Variants in NRXN1 observed in about 807,000 individuals in gnomAD.
NRXN1 encodes neurexin-1.
A neutral mutation model predicts 150.9 loss-of-function variants in NRXN1; 39 were observed. The observed-to-expected ratio is 0.26, with a 90% CI of 0.20 to 0.34. NRXN1 has a LOEUF of 0.34. Ranked by LOEUF, NRXN1 falls within the 10% of genes least tolerant of loss-of-function variation. The pLI is 1.00. For missense variants in NRXN1, 1,815 were observed against 1,949.9 expected (o/e 0.93, Z 1.30); for synonymous variants, 924 against 757.0 (o/e 1.22, Z -3.62).
intron 5 of NRXN1, among the ~76,000 whole-genome samples, chr2:50,853,030 C>A (rs530557409): frequency 5.6e-4 from 85 of 152,252 alleles, no homozygotes; most frequent in African/African-American, 1.7e-3. Context: ...TTAGTAAATA[C>A]ACCTTAATTC....
At chr2:50,643,823 G>A (rs1684410558) in intron 5 of NRXN1, among the ~76,000 whole-genome samples, 2 of 151,652 alleles carry the variant, frequency 1.3e-5, no homozygotes, top group African/African-American at 4.8e-5. Context: ...GTATCATGCT[G>A]GTAACTTCCC....
chr2:50,342,575 A>T (rs1392202957), intron 17 of NRXN1, among the ~76,000 whole-genome samples: 1 of 152,258 alleles, frequency 6.6e-6, no homozygotes, highest in Non-Finnish European at 1.5e-5. Context: ...GCCTCCTGGA[A>T]AAACAGAGAA....
chr2:50,241,020 G>A lies in NRXN1; in HGVS notation c.3365-4050C>T, dbSNP rs1228991060. Among the ~76,000 whole-genome samples the A allele has an allele frequency of 2.0e-5, 3 of 151,586 alleles. No individual in the cohort carries two copies. In the South Asian group the frequency reaches 6.2e-4, roughly 31 times the overall value. ...CTTTCAAAAATGACATTCCTACCTC[G>A]TAATTTTTATTAATATTTTCAATAT... On this transcript the variant is annotated intron_variant, in intron 17 of 22. Transcript: ENST00000401669.
At position 50,640,950 on chromosome 2, in the gene NRXN1, A is replaced by G. The variant is rs1158716604; in HGVS notation, c.833-17335T>C. Among the ~76,000 whole-genome samples the G allele has an allele frequency of 2.6e-5, 4 of 152,174 alleles. No individual in the cohort carries two copies. The South Asian group carries it at 6.2e-4, about 24-fold the overall frequency. Reference sequence around the variant, plus strand: ...GAAAGTCTTGGGATAAAATAAGTAGATAAAGAAATAAAGACAAAGAACAAG... The same window carrying G: ...GAAAGTCTTGGGATAAAATAAGTAGGTAAAGAAATAAAGACAAAGAACAAG... On this transcript the variant is annotated intron_variant, in intron 5 of 22. Coordinates refer to ENST00000401669, the MANE Select transcript of NRXN1 (RefSeq NM_001330078.2).
intron 5 of NRXN1, among the ~76,000 whole-genome samples, chr2:50,782,700 G>T (rs34591327): frequency 3.9e-5 from 6 of 152,068 alleles, no homozygotes; most frequent in Admixed American, 3.9e-4. Context: ...ATATTTGTGG[G>T]GGGCAGCAGA....
chr2:50,884,223 T>C (rs1679886909), intron 5 of NRXN1, among the ~76,000 whole-genome samples: 2 of 151,812 alleles, frequency 1.3e-5, no homozygotes, highest in South Asian at 4.1e-4. Flanking sequence ...ACTCCTATCT[T>C]ATCATTAGAT....
intron 9 of NRXN1, among the ~76,000 whole-genome samples, chr2:50,542,473 T>A (rs368806354): frequency 2.0e-5 from 3 of 152,200 alleles, no homozygotes; most frequent in Non-Finnish European, 4.4e-5. Flanking sequence ...CATTGGAATA[T>A]TATGCAAACA....
intron 17 of NRXN1, among the ~76,000 whole-genome samples, chr2:50,372,034 C>A (rs562493023): frequency 6.6e-6 from 1 of 152,002 alleles, no homozygotes; most frequent in South Asian, 2.1e-4. Context: ...CCTTTGCAGC[C>A]ATGAGAAACA....
chr2:50,135,811 G>A (rs1706318000), intron 18 of NRXN1, among the ~76,000 whole-genome samples: 1 of 152,210 alleles, frequency 6.6e-6, no homozygotes, highest in Non-Finnish European at 1.5e-5. Context: ...TCATGTAGGA[G>A]AGAAGGATTC....
intron 8 of NRXN1, among the ~76,000 whole-genome samples, chr2:50,570,541 A>G (rs1670514031): frequency 6.6e-6 from 1 of 152,162 alleles, no homozygotes; most frequent in Admixed American, 6.6e-5. Flanking sequence ...TGACTTATTC[A>G]AGTTAGCACT....
At chr2:50,425,679 G>A (rs2084420351) in intron 17 of NRXN1, among the ~76,000 whole-genome samples, 1 of 152,096 alleles carries the variant, frequency 6.6e-6, no homozygotes, top group Non-Finnish European at 1.5e-5. Context: ...TTTGTTAAAT[G>A]CTCTGGTTGG....
At chr2:50,322,072 C>T (rs1421769248) in intron 17 of NRXN1, among the ~76,000 whole-genome samples, 2 of 148,318 alleles carry the variant, frequency 1.3e-5, no homozygotes, top group African/African-American at 5.0e-5. Flanking sequence ...ATGTGCACTT[C>T]AAGCCTGAAA....
intron 12 of NRXN1, among the ~76,000 whole-genome samples, chr2:50,509,905 G>C (rs988729969): frequency 3.3e-5 from 5 of 152,112 alleles, no homozygotes; most frequent in Non-Finnish European, 7.3e-5. Context: ...ATTAGGTTTA[G>C]ATAAGGGTGG....
At chr2:50,172,205 G>A (rs920116394) in intron 18 of NRXN1, among the ~76,000 whole-genome samples, 12 of 152,042 alleles carry the variant, frequency 7.9e-5, no homozygotes, top group Admixed American at 2.6e-4. Context: ...TGGTGGTATT[G>A]TCTTATGCTT....
chr2:50,534,140 G>A lies in NRXN1; in HGVS notation c.2144-2710C>T, dbSNP rs142254863. ...ACACACACACACACATACACACACA[G>A]TGAGCTAATTTCAATTTGAATACCA... On this transcript the variant is annotated intron_variant, in intron 10 of 22. Transcript: ENST00000401669. Among the ~76,000 whole-genome samples, 435 of 151,246 alleles carry A rather than the reference G, an allele frequency of 2.9e-3. 2 individuals are homozygous for A. Among genetic ancestry groups the A allele is most frequent in the African/African-American group, 9.8e-3 (403 of 41,098 alleles).
intron 5 of NRXN1, among the ~76,000 whole-genome samples, chr2:50,846,237 C>CAT (rs1291080673): frequency 1.3e-5 from 2 of 152,098 alleles, no homozygotes; most frequent in Non-Finnish European, 2.9e-5. Context: ...ATCAGTAAAA[C>CAT]ATACATGGTC....
chr2:51,027,217 A>G (rs949218840), intron 2 of NRXN1, among the ~76,000 whole-genome samples: 2 of 152,184 alleles, frequency 1.3e-5, no homozygotes, highest in Non-Finnish European at 2.9e-5. Context: ...CCCGAGGAAT[A>G]AGAAGAGGCC....
At position 50,966,193 on chromosome 2, in the gene NRXN1, T is replaced by C. The variant is rs879509935; in HGVS notation, c.773-40238A>G. Reference sequence around the variant, plus strand: ...TTTCCAAATTCATTTATCTCTAAAGTACTTAGTATCTTACATGGAAGATAA... The same window carrying C: ...TTTCCAAATTCATTTATCTCTAAAGCACTTAGTATCTTACATGGAAGATAA... On this transcript the variant is annotated intron_variant, in intron 2 of 22. Transcript: ENST00000401669. Among the ~76,000 whole-genome samples the C allele has an allele frequency of 2.6e-5, 4 of 151,744 alleles. No individual in the cohort carries two copies. The Admixed American group carries it at 2.6e-4, about 10-fold the overall frequency.
At chr2:50,374,922 T>C (rs1411762381) in intron 17 of NRXN1, among the ~76,000 whole-genome samples, 1 of 152,158 alleles carries the variant, frequency 6.6e-6, no homozygotes, top group Non-Finnish European at 1.5e-5. Context: ...CAGCAGTCTG[T>C]AGAAAAATGA....
Sources: gnomAD v4.1 joint callset for allele counts (sites outside exome capture counted in the v4.1 genomes callset) on GRCh38, gnomAD v4.1.1 for gene constraint, MANE v1.5 for transcripts, NCBI Gene and HGNC (gene_info 2026-07-23, HGNC 2026-07-21) for gene names.